Variants in DGLUCY observed in about 807,000 individuals in gnomAD.
The protein encoded by DGLUCY is D-glutamate cyclase, mitochondrial.
Under a neutral mutation model 58.5 loss-of-function variants are expected in DGLUCY, and 58 were observed. The observed-to-expected ratio is 0.99, with a 90% CI of 0.80 to 1.23. The LOEUF (loss-of-function observed/expected upper bound fraction) is 1.23. Ranked by LOEUF, DGLUCY falls within the 50% of genes most tolerant of loss-of-function variation. The pLI is 0.00. For missense variants in DGLUCY, 779 were observed against 784.7 expected (o/e 0.99, Z 0.09); for synonymous variants, 325 against 314.1 (o/e 1.03, Z -0.37).
rs754099135 is a variant in DGLUCY, at chr14:91,160,360, G to T, written c.66G>T (p.Lys22Asn). Residue 22 changes from lysine (K) to asparagine (N), a missense_variant, in exon 3 of 14, where the codon AAG (lysine) becomes AAT (asparagine). By Grantham distance (94) the Lys-to-Asn change is moderately conservative. Transcript: ENST00000256324. Reference sequence around the variant, plus strand: ...CCATAAGGAGTTTGATTCTACAAAAGAAACCAAACATCAGAAATACATCCA... The same window carrying T: ...CCATAAGGAGTTTGATTCTACAAAATAAACCAAACATCAGAAATACATCCA... The part of the protein sequence containing the change: ...PSAIRSLILQ[K>N]KPNIRNTSSM... The T allele has an allele frequency of 2.8e-6, 4 of 1,428,174 alleles. No homozygotes were observed. Among genetic ancestry groups the T allele is most frequent in the Non-Finnish European group, 2.8e-6 (3 of 1,083,324 alleles). 88.5% of individuals were successfully genotyped at this position (1,428,174 alleles called of 1,614,324 possible). A position where few individuals can be genotyped will look rare whatever the true frequency, so the allele number is the denominator to read the frequency against.
At chr14:91,149,522 C>G (rs1255743556) in intron 1 of DGLUCY, among the ~76,000 whole-genome samples, 1 of 152,218 alleles carries the variant, frequency 6.6e-6, no homozygotes, top group Non-Finnish European at 1.5e-5. Flanking sequence ...CTTAAAGGAA[C>G]TGCCTAGTTT....
At chr14:91,110,320 T>G (rs549368948), upstream of DGLUCY, among the ~76,000 whole-genome samples, 42 of 152,292 alleles carry the variant, frequency 2.8e-4, 1 homozygote, top group African/African-American at 8.9e-4. Context: ...TCTTTAAGCC[T>G]TAAGAAAAAA....
At chr14:91,178,428 T>C (rs1441277894) in intron 7 of DGLUCY, among the ~76,000 whole-genome samples, 55 of 152,244 alleles carry the variant, frequency 3.6e-4, no homozygotes. Flanking sequence ...CCTCCCAAAG[T>C]GCTGGGATTA....
chr14:91,129,658 T>G (rs186421474), intron 1 of DGLUCY, among the ~76,000 whole-genome samples: 18 of 152,230 alleles, frequency 1.2e-4, no homozygotes, highest in Admixed American at 3.3e-4. Flanking sequence ...TTTGTTTTTT[T>G]TTTCTGAGAC....
chr14:91,160,127 T>G (rs2047893782), intron 2 of DGLUCY, 139 bp from the exon 3 acceptor site: 1 of 654,186 alleles, frequency 1.5e-6, no homozygotes, highest in African/African-American at 1.9e-5. Context: ...TTCCAAACAA[T>G]GCCCACCACA....
intron 1 of DGLUCY, among the ~76,000 whole-genome samples, chr14:91,062,729 G>C (rs984046793): frequency 2.6e-5 from 4 of 151,424 alleles, no homozygotes; most frequent in African/African-American, 9.7e-5. Context: ...CAGAAGCCTT[G>C]CAAGTTCCTT....
At chr14:91,190,828 C>A (rs2049838487) in intron 9 of DGLUCY, among the ~76,000 whole-genome samples, 1 of 152,096 alleles carries the variant, frequency 6.6e-6, no homozygotes, top group Non-Finnish European at 1.5e-5. Flanking sequence ...CCTGGGATTT[C>A]TCTGAGTCAG....
At chr14:91,081,182 G>A (rs2044118286) in intron 1 of DGLUCY, among the ~76,000 whole-genome samples, 1 of 150,662 alleles carries the variant, frequency 6.6e-6, no homozygotes, top group Non-Finnish European at 1.5e-5. Flanking sequence ...CAGCCTGGGC[G>A]ACAGAGTGAG....
At chr14:91,110,493 C>A (rs1274455704), upstream of DGLUCY, among the ~76,000 whole-genome samples, 3 of 142,322 alleles carry the variant, frequency 2.1e-5, no homozygotes, top group Admixed American at 1.5e-4. Context: ...TGCAGTGGTG[C>A]AATCTCAGTT....
At chr14:91,129,557 G>A (rs1432713778) in intron 1 of DGLUCY, among the ~76,000 whole-genome samples, 1 of 150,990 alleles carries the variant, frequency 6.6e-6, no homozygotes, top group Non-Finnish European at 1.5e-5. Flanking sequence ...GCAATATAGG[G>A]AGACCCCTTC....
intron 1 of DGLUCY, among the ~76,000 whole-genome samples, chr14:91,156,303 A>G (rs1595784253): frequency 6.6e-6 from 1 of 151,986 alleles, no homozygotes; most frequent in East Asian, 1.9e-4. Context: ...TTGTAGAGAT[A>G]GGGTTTTGTC....
chr14:91,164,273 C>G (rs1455760795), intron 3 of DGLUCY, among the ~76,000 whole-genome samples: 1 of 152,046 alleles, frequency 6.6e-6, no homozygotes, highest in Non-Finnish European at 1.5e-5. Flanking sequence ...TTATGTTTTT[C>G]TTTGGTATGG....
chr14:91,079,007 G>A (rs1297809809), intron 1 of DGLUCY, among the ~76,000 whole-genome samples: 6 of 151,588 alleles, frequency 4.0e-5, no homozygotes, highest in South Asian at 2.1e-4. Context: ...GGATTCAAGC[G>A]ATTCTCCTGC....
intron 1 of DGLUCY, among the ~76,000 whole-genome samples, chr14:91,130,129 T>C (rs979131356): frequency 6.6e-6 from 1 of 152,204 alleles, no homozygotes; most frequent in Non-Finnish European, 1.5e-5. Flanking sequence ...CTAATTTTTT[T>C]CCCTAAAGTG....
chr14:91,114,037 G>C (rs1415399848), upstream of DGLUCY: 1 of 152,358 alleles, frequency 6.6e-6, no homozygotes, highest in Non-Finnish European at 1.5e-5. Flanking sequence ...GCTAGCTGCC[G>C]AGGAGACCAC....
intron 1 of DGLUCY, among the ~76,000 whole-genome samples, chr14:91,135,073 A>G (rs192703478): frequency 8.6e-4 from 130 of 151,838 alleles, no homozygotes; most frequent in African/African-American, 2.9e-3. Flanking sequence ...ACAGCCGCAC[A>G]CCACCATGCC....
chr14:91,174,440 G>A (rs2048748800), intron 6 of DGLUCY, among the ~76,000 whole-genome samples: 1 of 152,082 alleles, frequency 6.6e-6, no homozygotes, highest in South Asian at 2.1e-4. Flanking sequence ...CAAGTAGCTG[G>A]GATTACAGGT....
intron 1 of DGLUCY, among the ~76,000 whole-genome samples, chr14:91,118,000 G>T (rs752291527): frequency 2.6e-5 from 4 of 151,584 alleles, no homozygotes; most frequent in Non-Finnish European, 5.9e-5. Flanking sequence ...TGGAAGCCAA[G>T]GGCCAAGGTT....
chr14:91,093,397 A>G (rs940412222), intron 1 of DGLUCY, among the ~76,000 whole-genome samples: 1 of 152,192 alleles, frequency 6.6e-6, no homozygotes, highest in African/African-American at 2.4e-5. Flanking sequence ...CCAGCAGAGA[A>G]GCGAAATGTG....
Sources: gnomAD v4.1 joint callset for allele counts (sites outside exome capture counted in the v4.1 genomes callset) on GRCh38, gnomAD v4.1.1 for gene constraint, MANE v1.5 for transcripts, NCBI Gene and HGNC (gene_info 2026-07-23, HGNC 2026-07-21) for gene names.